Variants in RXRA observed in about 807,000 individuals in gnomAD.
RXRA encodes retinoic acid receptor RXR-alpha.
Under a neutral mutation model 44.5 loss-of-function variants are expected in RXRA, and 5 were observed. That is an observed-to-expected ratio of 0.11 (90% CI 0.06 to 0.24). The LOEUF (loss-of-function observed/expected upper bound fraction) is 0.24, where lower values mean the gene tolerates loss of function less well. Among genes scored for constraint, RXRA ranks in the 10% least tolerant of loss-of-function variants. The probability of loss-of-function intolerance (pLI) is 1.00; values close to 1 mark genes in which losing one functional copy is unlikely to be tolerated. For synonymous variants in RXRA, 291 were observed against 271.4 expected (o/e 1.07, Z -0.71); for missense variants, 412 against 646.5 (o/e 0.64, Z 3.93).
intron 1 of RXRA, among the ~76,000 whole-genome samples, chr9:134,333,927 T>G (rs1554746994): frequency 6.6e-6 from 1 of 152,178 alleles, no homozygotes. Context: ...TCAGCCTTCC[T>G]TCCCAGCCAG....
intron 1 of RXRA, among the ~76,000 whole-genome samples, chr9:134,395,516 C>T (rs1005333167): frequency 6.6e-6 from 1 of 152,154 alleles, no homozygotes; most frequent in Non-Finnish European, 1.5e-5. Flanking sequence ...TGAGCAGTTG[C>T]GGGCTGCAGT....
intron 1 of RXRA, among the ~76,000 whole-genome samples, chr9:134,398,912 G>A (rs756566750): frequency 8.5e-5 from 13 of 152,242 alleles, no homozygotes; most frequent in Non-Finnish European, 1.5e-4. Context: ...TGCTCCCAGG[G>A]CTACCTGGTG....
chr9:134,360,223 G>A (rs554434983), intron 1 of RXRA, among the ~76,000 whole-genome samples: 1 of 152,340 alleles, frequency 6.6e-6, no homozygotes, highest in South Asian at 2.1e-4. Context: ...TCGGTGGGGG[G>A]CACTGGGCTG....
At chr9:134,382,760 C>G (rs1481616094) in intron 1 of RXRA, among the ~76,000 whole-genome samples, 2 of 152,106 alleles carry the variant, frequency 1.3e-5, no homozygotes, top group Non-Finnish European at 2.9e-5. Context: ...TGTGGCGTTG[C>G]CGTCTCTGAG....
intron 7 of RXRA, among the ~76,000 whole-genome samples, chr9:134,429,799 G>T (rs570409529): frequency 1.3e-5 from 2 of 152,148 alleles, no homozygotes; most frequent in Admixed American, 6.5e-5. Context: ...TGGGTGGTCC[G>T]TGTCCGTTCA....
intron 1 of RXRA, among the ~76,000 whole-genome samples, chr9:134,373,441 G>T (rs1460378540): frequency 1.3e-5 from 2 of 152,194 alleles, no homozygotes; most frequent in Non-Finnish European, 2.9e-5. Context: ...GTTTTCCCAG[G>T]CCGTTGGCCC....
intron 1 of RXRA, among the ~76,000 whole-genome samples, chr9:134,351,308 G>A (rs551881218): frequency 1.4e-4 from 21 of 152,342 alleles, no homozygotes; most frequent in Non-Finnish European, 2.8e-4. Context: ...AGGGGCAGTC[G>A]GGAGGTCACT....
chr9:134,366,206 G>T lies in RXRA; in HGVS notation c.29-35426G>T, dbSNP rs932332102. ...CTGGTGGCTCCGTGTGGCATGTTCT[G>T]GGCTGTGTGTGGGGCCAGGGAGGGT... is the stretch of plus-strand genomic sequence containing the variant. On this transcript the variant is annotated intron_variant, in intron 1 of 9. Transcript: ENST00000481739. This position sits in a 1 kb window ranked among gnomAD's most constrained non-coding sequence, Gnocchi z 5.9. 6.6e-6 allele frequency among the ~76,000 whole-genome samples: 1 copy of T among 152,096 alleles called. No homozygotes were observed. Among genetic ancestry groups the T allele is most frequent in the Non-Finnish European group, 1.5e-5 (1 of 67,986 alleles).
chr9:134,348,779 CGGTGG>C (rs1830185756), intron 1 of RXRA, among the ~76,000 whole-genome samples: 1 of 141,086 alleles, frequency 7.1e-6, no homozygotes, highest in Non-Finnish European at 1.5e-5. Flanking sequence ...ATGCAGGATT[CGGTGG>C]TCAGAAGACT....
intron 1 of RXRA, among the ~76,000 whole-genome samples, chr9:134,331,287 G>A (rs1413339631): frequency 6.6e-5 from 10 of 152,220 alleles, no homozygotes; most frequent in African/African-American, 1.9e-4. Context: ...GGGAAATTGC[G>A]CCCTAGAGTT....
chr9:134,383,392 G>A lies in RXRA; in HGVS notation c.29-18240G>A, dbSNP rs563196769. On this transcript the variant is annotated intron_variant, in intron 1 of 9. Transcript: ENST00000481739. ...CTGCTGAGGTGGGAGGTCAGTCTGT[G>A]CTGGCTCTGTGAGGGGCCCTGCAGT... Among the ~76,000 whole-genome samples, 4 of 152,302 alleles carry A rather than the reference G, an allele frequency of 2.6e-5. No homozygotes were observed. The East Asian group carries it at 7.7e-4, about 29-fold the overall frequency.
intron 1 of RXRA, among the ~76,000 whole-genome samples, chr9:134,358,085 C>A (rs951634900): frequency 3.9e-5 from 6 of 152,272 alleles, no homozygotes; most frequent in Non-Finnish European, 5.9e-5. Flanking sequence ...ACCATCTCCA[C>A]GGGAGGCCGT....
At position 134,436,623 on chromosome 9, in the gene RXRA, G is replaced by T. The variant is rs775256244; in HGVS notation, c.*9G>T. The T allele has an allele frequency of 6.2e-7, 1 of 1,613,566 alleles. No individual in the cohort carries two copies. Among genetic ancestry groups the T allele is most frequent in the Non-Finnish European group, 8.5e-7 (1 of 1,179,948 alleles). ...CGCACCAAATGACTTAGGCCTGCGG[G>T]CCCATCCTTTGTGCCCACCCGTTCT... On this transcript the variant is annotated 3_prime_UTR_variant, in exon 10 of 10. Transcript: ENST00000481739.
intron 3 of RXRA, among the ~76,000 whole-genome samples, chr9:134,408,650 G>A (rs926029513): frequency 3.9e-5 from 6 of 152,230 alleles, no homozygotes; most frequent in Admixed American, 2.6e-4. Flanking sequence ...GACCCCCAAC[G>A]GCCTGAGAGG....
intron 4 of RXRA, among the ~76,000 whole-genome samples, chr9:134,413,217 G>A (rs1831178521): frequency 6.6e-6 from 1 of 152,244 alleles, no homozygotes; most frequent in Middle Eastern, 3.4e-3. Flanking sequence ...AGAGTGCTGT[G>A]CGTGGCTGGT....
intron 1 of RXRA, among the ~76,000 whole-genome samples, chr9:134,328,856 G>A (rs906268371): frequency 6.6e-6 from 1 of 152,182 alleles, no homozygotes; most frequent in African/African-American, 2.4e-5. Flanking sequence ...CACTACCGCT[G>A]GGCTTGGTGG....
chr9:134,377,703 G>A (rs549318367), intron 1 of RXRA, among the ~76,000 whole-genome samples: 38 of 152,350 alleles, frequency 2.5e-4, no homozygotes, highest in African/African-American at 8.7e-4. Flanking sequence ...CTCTTGCAGA[G>A]ATGTAACATT....
At chr9:134,336,596 TTCCCGTGGGGCCC>T (rs1830010831) in intron 1 of RXRA, among the ~76,000 whole-genome samples, 1 of 152,196 alleles carries the variant, frequency 6.6e-6, no homozygotes, top group Non-Finnish European at 1.5e-5. Context: ...CCTGCTCCTC[TTCCCGTGGGGCCC>T]TCAGACCTCA....
At chr9:134,346,322 C>T (rs923522754) in intron 1 of RXRA, among the ~76,000 whole-genome samples, 11 of 152,182 alleles carry the variant, frequency 7.2e-5, no homozygotes, top group African/African-American at 2.7e-4. Flanking sequence ...CTTCAAGCAT[C>T]ACAGCTTTGC....
Sources: gnomAD v4.1 joint callset for allele counts (sites outside exome capture counted in the v4.1 genomes callset) on GRCh38, gnomAD v4.1.1 for gene constraint, Gnocchi (gnomAD v3.1) non-coding constraint, MANE v1.5 for transcripts, NCBI Gene and HGNC (gene_info 2026-07-23, HGNC 2026-07-21) for gene names.